The following DHRS4L2 variants were observed in gnomAD, a reference collection of about 807,000 sequenced individuals.
DHRS4L2 encodes the protein dehydrogenase/reductase SDR family member 4-like 2.
In DHRS4L2, 22 loss-of-function variants were observed where a neutral mutation model predicts 23.9. That is an observed-to-expected ratio of 0.92 (90% CI 0.66 to 1.31). DHRS4L2 has a LOEUF of 1.31. DHRS4L2 is among the 40% of genes most tolerant of loss of function. The pLI is 0.00. For missense variants in DHRS4L2, 385 were observed against 303.3 expected (o/e 1.27, Z -2.00); for synonymous variants, 141 against 123.7 (o/e 1.14, Z -0.93).
intron 1 of DHRS4L2, among the ~76,000 whole-genome samples, chr14:23,976,245 T>G (rs911111533): frequency 3.3e-5 from 5 of 151,514 alleles, no homozygotes; most frequent in African/African-American, 1.2e-4. Flanking sequence ...TACAAAGAAC[T>G]TAAATAAATT....
At chr14:23,995,781 T>C (rs1268878857) in intron 3 of DHRS4L2, among the ~76,000 whole-genome samples, 2 of 151,822 alleles carry the variant, frequency 1.3e-5, no homozygotes, top group Non-Finnish European at 2.9e-5. Flanking sequence ...AAAGCTTTAA[T>C]TAAAATATTT....
chr14:23,988,541 C>G (rs2034194601), upstream of DHRS4L2, among the ~76,000 whole-genome samples: 1 of 151,100 alleles, frequency 6.6e-6, no homozygotes, highest in South Asian at 2.1e-4. Flanking sequence ...TACATAGACC[C>G]AGACTTTCTT....
At chr14:23,986,537 A>G (rs1330668725), upstream of DHRS4L2, among the ~76,000 whole-genome samples, 4 of 151,174 alleles carry the variant, frequency 2.6e-5, no homozygotes, top group Non-Finnish European at 5.9e-5. Flanking sequence ...AAGAAAGAAA[A>G]AGAAATAGTG....
chr14:23,990,687 T>C, intron 2 of DHRS4L2: 3 of 1,092,682 alleles, frequency 2.7e-6, no homozygotes, highest in Non-Finnish European at 3.4e-6. Context: ...TCCCCTCTTC[T>C]TCAGCTTATA....
intron 3 of DHRS4L2, among the ~76,000 whole-genome samples, chr14:23,996,650 CTTT>C (rs771033729): frequency 1.5e-5 from 2 of 131,174 alleles, no homozygotes; most frequent in African/African-American, 5.7e-5. Flanking sequence ...GTCTTTTTTC[CTTT>C]TTTTTTTTTT....
At position 24,004,336 on chromosome 14, in the gene DHRS4L2, G is replaced by C; in HGVS notation, c.666-1G>C. 1.2e-6 allele frequency: 2 copies of C among 1,601,328 alleles called. No individual in the cohort carries two copies. Among genetic ancestry groups the C allele is most frequent in the South Asian group, 1.1e-5 (1 of 90,086 alleles). On this transcript the variant is annotated splice_acceptor_variant, in intron 6 of 7. Coordinates refer to ENST00000335125, the MANE Select transcript of DHRS4L2 (RefSeq NM_198083.4). LOFTEE classifies it high-confidence loss of function. Reference sequence around the variant, plus strand: ...TAAAGAGATTTCCCTTCTTCCTACAGCTCTGGATGGACAAGGAAAAAGAGG... The same window carrying C: ...TAAAGAGATTTCCCTTCTTCCTACACCTCTGGATGGACAAGGAAAAAGAGG...
intron 7 of DHRS4L2, chr14:24,004,713 T>C (rs1160811459): frequency 2.2e-6 from 1 of 462,760 alleles, no homozygotes; most frequent in East Asian, 4.2e-5. Flanking sequence ...AAACCATGCT[T>C]TGTTAGTCCC....
intron 6 of DHRS4L2, 84 bp downstream of exon 6, chr14:24,001,601 C>T: frequency 6.5e-7 from 1 of 1,547,214 alleles, no homozygotes; most frequent in Non-Finnish European, 8.7e-7. Context: ...TACCTGAGTC[C>T]TGAGCTCTCA....
intron 1 of DHRS4L2, among the ~76,000 whole-genome samples, chr14:23,973,109 G>T (rs945515333): frequency 4.0e-5 from 6 of 151,896 alleles, no homozygotes; most frequent in African/African-American, 1.2e-4. Context: ...GACTGCAAGA[G>T]GCTTTCCTCT....
intron 1 of DHRS4L2, among the ~76,000 whole-genome samples, chr14:23,972,269 T>C (rs2033873740): frequency 6.6e-6 from 1 of 152,048 alleles, no homozygotes; most frequent in Non-Finnish European, 1.5e-5. Flanking sequence ...TTCTTCCTTC[T>C]GGTGGGTTCG....
chr14:23,994,409 G>C (rs370149886), intron 2 of DHRS4L2, among the ~76,000 whole-genome samples: 1 of 151,716 alleles, frequency 6.6e-6, no homozygotes, highest in Admixed American at 6.6e-5. Flanking sequence ...AAAAGAAATA[G>C]GGCCAACTTC....
At chr14:23,976,431 C>T (rs1026119003) in intron 1 of DHRS4L2, among the ~76,000 whole-genome samples, 6 of 151,856 alleles carry the variant, frequency 4.0e-5, no homozygotes, top group African/African-American at 1.4e-4. Context: ...CTTAGAATGG[C>T]AACATTAAAA....
At chr14:23,990,426 C>A in intron 2 of DHRS4L2, 67 bp downstream of exon 2, 1 of 1,526,382 alleles carries the variant, frequency 6.6e-7, no homozygotes, top group Non-Finnish European at 8.8e-7. Context: ...GCCTCCTTCC[C>A]TGCTTTCCTA....
intron 1 of DHRS4L2, among the ~76,000 whole-genome samples, chr14:23,982,721 T>C (rs764981144): frequency 2.0e-5 from 3 of 151,050 alleles, no homozygotes; most frequent in Admixed American, 6.6e-5. Context: ...CCCTATTTTA[T>C]AAATGATGTT....
chr14:23,995,282 G>A, intron 3 of DHRS4L2, 149 bp downstream of exon 3: 5 of 924,206 alleles, frequency 5.4e-6, no homozygotes, highest in Non-Finnish European at 8.5e-6. Context: ...CTTGCAAAGG[G>A]CAGGTGGGGG....
At chr14:23,987,723 T>G (rs1395286483), upstream of DHRS4L2, among the ~76,000 whole-genome samples, 1 of 151,784 alleles carries the variant, frequency 6.6e-6, no homozygotes, top group Non-Finnish European at 1.5e-5. Context: ...TTAAATAAGC[T>G]TAGCTTTATG....
At chr14:23,993,706 T>C (rs894621952) in intron 2 of DHRS4L2, among the ~76,000 whole-genome samples, 3 of 151,708 alleles carry the variant, frequency 2.0e-5, no homozygotes, top group African/African-American at 7.3e-5. Flanking sequence ...TAAATTTCAG[T>C]TTCTGCCTTG....
intron 1 of DHRS4L2, among the ~76,000 whole-genome samples, chr14:23,976,385 C>A (rs1211128325): frequency 2.0e-5 from 3 of 151,848 alleles, no homozygotes; most frequent in African/African-American, 7.3e-5. Flanking sequence ...CAGAGAAATG[C>A]AAAGCAAAAC....
chr14:23,977,357 A>G (rs1335145558), intron 1 of DHRS4L2, among the ~76,000 whole-genome samples: 1 of 151,736 alleles, frequency 6.6e-6, no homozygotes, highest in Non-Finnish European at 1.5e-5. Flanking sequence ...GACAAACATG[A>G]GTGGAACTGG....
Sources: allele counts gnomAD v4.1 joint callset (sites outside exome capture counted in the v4.1 genomes callset), GRCh38; gene constraint gnomAD v4.1.1; transcripts MANE v1.5; gene names NCBI Gene and HGNC (gene_info 2026-07-23, HGNC 2026-07-21).